RYR3: variants seen among roughly 807,000 people sequenced by gnomAD.
RYR3 encodes brain ryanodine receptor-calcium release channel.
Under a neutral mutation model 584.3 loss-of-function variants are expected in RYR3, and 207 were observed. The ratio of observed to expected loss-of-function variants is 0.35; its 90% CI spans 0.32 to 0.40. The LOEUF (loss-of-function observed/expected upper bound fraction) is 0.40, where lower values mean the gene tolerates loss of function less well. RYR3 is among the 10% of genes least tolerant of loss of function. RYR3 has a pLI of 1.00. For synonymous variants in RYR3, 2,416 were observed against 2,248.5 expected (o/e 1.07, Z -2.11); for missense variants, 5,616 against 6,089.2 (o/e 0.92, Z 2.59).
intron 10 of RYR3, among the ~76,000 whole-genome samples, chr15:33,560,987 G>A (rs1400970367): frequency 6.6e-6 from 1 of 151,914 alleles, no homozygotes; most frequent in Admixed American, 6.6e-5. Context: ...TTCTTGTAAA[G>A]TACTAATATT....
chr15:33,547,729 A>G (rs1362411266), intron 8 of RYR3, among the ~76,000 whole-genome samples: 1 of 152,190 alleles, frequency 6.6e-6, no homozygotes. Context: ...TTTAAAGTAC[A>G]AATACATTTT....
chr15:33,640,276 A>G (rs1446239714), intron 27 of RYR3, among the ~76,000 whole-genome samples: 2 of 152,218 alleles, frequency 1.3e-5, no homozygotes, highest in African/African-American at 4.8e-5. Flanking sequence ...CTTGTGTTTC[A>G]GAAAGCGGCT....
intron 50 of RYR3, 150 bp downstream of exon 50, chr15:33,738,740 C>A: frequency 1.2e-6 from 1 of 839,096 alleles, no homozygotes; most frequent in Non-Finnish European, 1.8e-6. Context: ...GCCCATCTCT[C>A]TGAAATGGAA....
intron 6 of RYR3, 110 bp from the exon 7 acceptor site, chr15:33,540,681 C>A (rs376417132): frequency 1.5e-6 from 1 of 687,636 alleles, no homozygotes. Context: ...ATAGAAAGAA[C>A]CAGATGACAG....
At chr15:33,843,347 G>A (rs1191764628) in intron 91 of RYR3, 141 bp from the exon 92 acceptor site, 1 of 599,994 alleles carries the variant, frequency 1.7e-6, no homozygotes, top group Admixed American at 2.9e-5. Context: ...AGAATGCCAG[G>A]GTTACCCTAG....
chr15:33,627,115 G>A (rs889183986), intron 20 of RYR3, among the ~76,000 whole-genome samples: 3 of 152,114 alleles, frequency 2.0e-5, no homozygotes, highest in Non-Finnish European at 4.4e-5. Flanking sequence ...GAGCATGCAG[G>A]TCCTCCTGAA....
chr15:33,856,131 AGCT>A (rs570935712), intron 98 of RYR3: 38 of 152,358 alleles, frequency 2.5e-4, no homozygotes, highest in African/African-American at 8.7e-4. Flanking sequence ...AAGACCACAC[AGCT>A]GCTAAGTGGC....
intron 75 of RYR3, among the ~76,000 whole-genome samples, chr15:33,817,882 C>G (rs2076901967): frequency 6.6e-6 from 1 of 152,308 alleles, no homozygotes; most frequent in Middle Eastern, 3.4e-3. Context: ...AAATACGGTC[C>G]ACCCTGCTGG....
At chr15:33,609,602 G>A (rs1442474985) in intron 18 of RYR3, among the ~76,000 whole-genome samples, 2 of 152,166 alleles carry the variant, frequency 1.3e-5, no homozygotes, top group Non-Finnish European at 2.9e-5. Context: ...GCAGTGAGCC[G>A]AGATCGTGCC....
In RYR3 at chr15:33,853,591, C is replaced by T. The variant is rs748341144; in HGVS notation, c.13708C>T (p.Arg4570Cys). The part of the protein sequence containing the change: ...NKYGDLYGAE[R>C]IAELLGLDKN... ...GTATGGAGATCTCTACGGAGCAGAA[C>T]GCATTGCTGAACTTCTGGGTTTGGA... Residue 4570 changes from arginine (R) to cysteine (C), a missense_variant, in exon 96 of 104, where the codon CGC becomes TGC. Physicochemically the swap from Arg to Cys is radical, Grantham distance 180 (BLOSUM62 -3). Coordinates refer to ENST00000634891, the MANE Select transcript of RYR3 (RefSeq NM_001036.6). 9 of 1,613,978 alleles carry T rather than the reference C, an allele frequency of 5.6e-6. No homozygotes were observed. The highest frequency in any genetic ancestry group is 2.2e-5 in the East Asian group (1 of 44,882).
intron 51 of RYR3, among the ~76,000 whole-genome samples, chr15:33,740,729 A>G (rs866215139): frequency 2.6e-4 from 40 of 152,348 alleles, no homozygotes; most frequent in African/African-American, 9.1e-4. Context: ...TGAGCAGGGA[A>G]AGTAAGCCTG....
chr15:33,372,835 T>C (rs138697476), intron 1 of RYR3, among the ~76,000 whole-genome samples: 2,316 of 152,320 alleles, frequency 0.015, 42 homozygotes, highest in Admixed American at 0.041. Context: ...AGGGCTTCAC[T>C]CAAGTTTCAG....
chr15:33,468,891 C>T (rs1567305905), intron 1 of RYR3, among the ~76,000 whole-genome samples: 1 of 152,124 alleles, frequency 6.6e-6, no homozygotes, highest in Non-Finnish European at 1.5e-5. Context: ...AGGCTCTGCC[C>T]CCTGCCACCA....
At chr15:33,553,558 T>C (rs541722944) in intron 10 of RYR3, among the ~76,000 whole-genome samples, 12 of 150,092 alleles carry the variant, frequency 8.0e-5, no homozygotes, top group African/African-American at 2.7e-4. Context: ...GGAATCAGAC[T>C]GAAGACTTTG....
chr15:33,592,705 A>G (rs903263143), intron 16 of RYR3, among the ~76,000 whole-genome samples: 1 of 152,238 alleles, frequency 6.6e-6, no homozygotes, highest in African/African-American at 2.4e-5. Flanking sequence ...CCTGTCAGTC[A>G]GAAAGTACAG....
chr15:33,433,644 C>A (rs1423869652), intron 1 of RYR3, among the ~76,000 whole-genome samples: 1 of 152,174 alleles, frequency 6.6e-6, no homozygotes, highest in Non-Finnish European at 1.5e-5. Context: ...ACAAGTTTCA[C>A]ATGATTAGCC....
At chr15:33,349,806 C>T (rs1204019521) in intron 1 of RYR3, among the ~76,000 whole-genome samples, 1 of 144,486 alleles carries the variant, frequency 6.9e-6, no homozygotes, top group African/African-American at 2.6e-5. Context: ...CATGTGTTCT[C>T]ATTGTTCAAT....
rs751269638 is a variant in RYR3 at position 33,785,655 on chromosome 15, C to A, written c.9269-7C>A. 8.4e-6 allele frequency: 13 copies of A among 1,554,702 alleles called. No homozygotes were observed. The highest frequency in any genetic ancestry group is 1.2e-5 in the South Asian group (1 of 81,742). On this transcript the variant is annotated splice_polypyrimidine_tract_variant and splice_region_variant and intron_variant, in intron 65 of 103. Transcript: ENST00000634891. ...ATTTCTGTCCCTTTATTCTTCCTCT[C>A]AATCAGTTCTGGGGATGCCAGACAC... is the stretch of plus-strand genomic sequence containing the variant.
At chr15:33,482,908 A>G (rs1038723747) in intron 2 of RYR3, among the ~76,000 whole-genome samples, 1 of 152,120 alleles carries the variant, frequency 6.6e-6, no homozygotes, top group Non-Finnish European at 1.5e-5. Flanking sequence ...CCAACTACTT[A>G]TATGTTAGAT....
Sources: allele counts gnomAD v4.1 joint callset (sites outside exome capture counted in the v4.1 genomes callset), GRCh38; gene constraint gnomAD v4.1.1; transcripts MANE v1.5; gene names NCBI Gene and HGNC (gene_info 2026-07-23, HGNC 2026-07-21).